Variants in KTN1 observed in about 807,000 individuals in gnomAD.
KTN1 encodes kinectin 1.
KTN1 carries 130 observed loss-of-function variants against 222.5 expected under a neutral mutation model. The observed-to-expected ratio is 0.58, with a 90% CI of 0.51 to 0.68. KTN1 has a LOEUF of 0.68. Ranked by LOEUF, KTN1 falls within the 30% of genes least tolerant of loss-of-function variation. KTN1 has a pLI of 0.00. For synonymous variants in KTN1, 512 were observed against 496.3 expected (o/e 1.03, Z -0.42); for missense variants, 1,508 against 1,500.4 (o/e 1.01, Z -0.08).
At chr14:55,636,665 TC>T (rs1418827390) in intron 10 of KTN1, 129 bp downstream of exon 10, 2 of 601,620 alleles carry the variant, frequency 3.3e-6, no homozygotes, top group African/African-American at 3.8e-5. Flanking sequence ...TTTTATACTT[TC>T]AGAATATCTT....
chr14:55,629,928 G>T, intron 6 of KTN1, 29 bp from the exon 7 acceptor site: 1 of 1,449,126 alleles, frequency 6.9e-7, no homozygotes, highest in Non-Finnish European at 9.6e-7. Flanking sequence ...TAAATAACAA[G>T]TTTTTAAATT....
At chr14:55,639,702 C>T (rs2041564879) in intron 13 of KTN1, among the ~76,000 whole-genome samples, 1 of 151,680 alleles carries the variant, frequency 6.6e-6, no homozygotes, top group Admixed American at 6.6e-5. Flanking sequence ...AACAAATTAA[C>T]CTCTTTTATC....
At chr14:55,636,928 A>G (rs1435862369) in intron 10 of KTN1, among the ~76,000 whole-genome samples, 1 of 151,972 alleles carries the variant, frequency 6.6e-6, no homozygotes, top group East Asian at 1.9e-4. Flanking sequence ...AAAACTGCCC[A>G]TTTAATACAT....
chr14:55,600,536 C>G (rs1241079276), intron 1 of KTN1, among the ~76,000 whole-genome samples: 1 of 152,106 alleles, frequency 6.6e-6, no homozygotes. Context: ...GGGAGGTATT[C>G]ATCCCTGCTT....
chr14:55,651,970 A>G, intron 25 of KTN1, 43 bp downstream of exon 25: 1 of 1,221,862 alleles, frequency 8.2e-7, no homozygotes, highest in African/African-American at 1.5e-5. Flanking sequence ...TTTCTTTTTC[A>G]TGAGTTAAAT....
At chr14:55,600,554 A>T (rs2035817774) in intron 1 of KTN1, among the ~76,000 whole-genome samples, 1 of 152,196 alleles carries the variant, frequency 6.6e-6, no homozygotes, top group Non-Finnish European at 1.5e-5. Context: ...CTTTTCAAAC[A>T]TAGGCTGGCT....
intron 1 of KTN1, among the ~76,000 whole-genome samples, 193 bp downstream of exon 1, chr14:55,580,547 G>C (rs2031161688): frequency 6.6e-6 from 1 of 150,978 alleles, no homozygotes; most frequent in African/African-American, 2.4e-5. Flanking sequence ...TGTTGGGGCC[G>C]GGACGCCGCA....
chr14:55,639,603 T>C (rs1595025175), intron 13 of KTN1, among the ~76,000 whole-genome samples: 1 of 151,812 alleles, frequency 6.6e-6, no homozygotes, highest in Non-Finnish European at 1.5e-5. Flanking sequence ...AACAAAGTTA[T>C]ATGCTTTTTT....
Position 55,653,575 on chromosome 14 carries a change from A to G in KTN1, c.2780A>G (p.Gln927Arg), listed in dbSNP as rs1336802525. ...HNLKEASSAS[Q>R]FEELEIVLKE... ...GTTTCTCAGGCCTCTTCTGCATCAC[A>G]GTTTGAAGAACTTGAGATTGTGTAA... is the stretch of plus-strand genomic sequence containing the variant. The change falls in exon 28 of 44, where the codon CAG becomes CGG. Residue 927 changes from glutamine to arginine, a missense_variant. By Grantham distance (43) the Gln-to-Arg change is conservative. Transcript: ENST00000395314. 1.9e-6 allele frequency: 3 copies of G among 1,610,558 alleles called. No individual in the cohort carries two copies. Among genetic ancestry groups the G allele is most frequent in the African/African-American group, 2.7e-5 (2 of 74,812 alleles).
At chr14:55,615,648 G>A (rs1374166251) in intron 2 of KTN1, among the ~76,000 whole-genome samples, 3 of 152,014 alleles carry the variant, frequency 2.0e-5, no homozygotes, top group Non-Finnish European at 4.4e-5. Context: ...TAATCCTTTC[G>A]TGGAATGAAA....
intron 18 of KTN1, among the ~76,000 whole-genome samples, chr14:55,646,192 T>C (rs2042257571): frequency 6.6e-6 from 1 of 152,196 alleles, no homozygotes; most frequent in Non-Finnish European, 1.5e-5. Context: ...TTCTAATGCT[T>C]TATAAATAGA....
chr14:55,617,764 A>G (rs924973213), intron 3 of KTN1, among the ~76,000 whole-genome samples, 200 bp from the exon 4 acceptor site: 1 of 152,216 alleles, frequency 6.6e-6, no homozygotes, highest in East Asian at 1.9e-4. Flanking sequence ...GATTTACTAT[A>G]AAATAAGACT....
At position 55,679,638 on chromosome 14, in the gene KTN1, C is replaced by A. The variant is rs139286090; in HGVS notation, c.4022C>A (p.Ala1341Glu). 1.9e-6 allele frequency: 3 copies of A among 1,613,490 alleles called. No homozygotes were observed. The highest frequency in any genetic ancestry group is 2.5e-6 in the Non-Finnish European group (3 of 1,179,522). The stretch of plus-strand genomic sequence containing the variant: ...ACACAGTTACAGCAGTTGCTTCAGG[C>A]GGTAAACCAACAGCTCACAAAGGAG... ...TVTQLQQLLQAVNQQLTKEKE... is the reference protein window; with the variant it reads ...TVTQLQQLLQEVNQQLTKEKE... The change falls in exon 43 of 44, where the codon GCG becomes GAG. Residue 1341 changes from alanine (A) to glutamate (E), a missense_variant. Ala to Glu is a moderately radical substitution (Grantham distance 107). Transcript: ENST00000395314.
At chr14:55,636,267 G>A (rs190257791) in intron 9 of KTN1, among the ~76,000 whole-genome samples, 182 bp from the exon 10 acceptor site, 38 of 152,288 alleles carry the variant, frequency 2.5e-4, no homozygotes, top group Middle Eastern at 3.4e-3. Flanking sequence ...GGCTATGGCT[G>A]ATAAATAAAT....
intron 5 of KTN1, among the ~76,000 whole-genome samples, chr14:55,626,631 A>G (rs571634594): frequency 2.6e-5 from 4 of 151,998 alleles, no homozygotes; most frequent in East Asian, 3.9e-4. Flanking sequence ...TGTTCTTCCA[A>G]TGAGGGGTGT....
chr14:55,637,255 T>C lies in KTN1; in HGVS notation c.1607T>C (p.Leu536Pro), dbSNP rs2041238075. Reference protein sequence around the residue: ...ENEVQSLHSKLTDTLVSKQQL... With the variant: ...ENEVQSLHSKPTDTLVSKQQL... The stretch of plus-strand genomic sequence containing the variant: ...GAAGTACAGAGTCTGCATAGTAAGC[T>C]TACAGATACCTTGGTATCAAAACAA... The change falls in exon 11 of 44, where the codon CTT becomes CCT. Residue 536 changes from leucine to proline, a missense_variant. Physicochemically the swap from Leu to Pro is moderately conservative, Grantham distance 98 (BLOSUM62 -3). Coordinates refer to ENST00000395314, the MANE Select transcript of KTN1 (RefSeq NM_001079521.2). The C allele has an allele frequency of 6.2e-7, 1 of 1,611,450 alleles. No homozygotes were observed. The highest frequency in any genetic ancestry group is 8.5e-7 in the Non-Finnish European group (1 of 1,178,198).
intron 2 of KTN1, 22 bp downstream of exon 2, chr14:55,612,593 ATTTAAT>A: frequency 6.5e-7 from 1 of 1,528,108 alleles, no homozygotes; most frequent in Non-Finnish European, 8.8e-7. Flanking sequence ...TATTTAATCT[ATTTAAT>A]TTTATTGTAT....
At position 55,637,257 on chromosome 14, in the gene KTN1, A is replaced by G. The variant is rs750355970; in HGVS notation, c.1609A>G (p.Thr537Ala). ...AGTACAGAGTCTGCATAGTAAGCTT[A>G]CAGATACCTTGGTATCAAAACAACA... ...NEVQSLHSKLTDTLVSKQQLE... is the reference protein window; with the variant it reads ...NEVQSLHSKLADTLVSKQQLE... The change falls in exon 11 of 44, where the codon ACA becomes GCA. Residue 537 changes from threonine to alanine, a missense_variant. By Grantham distance (58) the Thr-to-Ala change is moderately conservative (BLOSUM62 0). Transcript: ENST00000395314. 3 of 1,611,624 alleles carry G rather than the reference A, an allele frequency of 1.9e-6. No individual in the cohort carries two copies. Among genetic ancestry groups the G allele is most frequent in the South Asian group, 2.2e-5 (2 of 90,844 alleles).
rs199661053 is a variant in KTN1, at chr14:55,639,248, T to A, written c.1823+26T>A. 3.3e-5 allele frequency: 51 copies of A among 1,553,336 alleles called. 1 individual carries two copies. The East Asian group carries it at 1.1e-3, about 34-fold the overall frequency. On this transcript the variant is annotated intron_variant, in intron 13 of 43. Transcript: ENST00000395314. ...GTAAGCCTACCTTTTCACACTCTTATAATTGTGTAGTCACCACTAACTGAT... is the reference window on the plus strand; with the variant it reads ...GTAAGCCTACCTTTTCACACTCTTAAAATTGTGTAGTCACCACTAACTGAT...
Sources: gnomAD v4.1 joint callset for allele counts (sites outside exome capture counted in the v4.1 genomes callset) on GRCh38, gnomAD v4.1.1 for gene constraint, MANE v1.5 for transcripts, NCBI Gene and HGNC (gene_info 2026-07-23, HGNC 2026-07-21) for gene names.